Variants in VPS26C observed in about 807,000 individuals in gnomAD.
VPS26C encodes the protein vacuolar protein sorting-associated protein 26C.
A neutral mutation model predicts 30.6 loss-of-function variants in VPS26C; 19 were observed. The ratio of observed to expected loss-of-function variants is 0.62; its 90% CI spans 0.43 to 0.91. VPS26C has a LOEUF of 0.91. VPS26C is among the 40% of genes least tolerant of loss of function. VPS26C has a pLI of 0.00. For synonymous variants in VPS26C, 132 were observed against 151.5 expected (o/e 0.87, Z 0.95); for missense variants, 318 against 385.1 (o/e 0.83, Z 1.46).
chr21:37,250,414 T>C (rs954421767), intron 1 of VPS26C, among the ~76,000 whole-genome samples: 1 of 152,014 alleles, frequency 6.6e-6, no homozygotes, highest in Non-Finnish European at 1.5e-5. Context: ...GACAAAACCA[T>C]AGAGAATAAT....
At chr21:37,265,911 T>C (rs1344726919) in intron 1 of VPS26C, among the ~76,000 whole-genome samples, 3 of 23,116 alleles carry the variant, frequency 1.3e-4, no homozygotes, top group African/African-American at 5.6e-4. Flanking sequence ...GCTTTTTCTC[T>C]TTTTTTTTTT....
In VPS26C at chr21:37,233,338, C is replaced by G; in HGVS notation, c.432+24G>C. The G allele has an allele frequency of 6.2e-7, 1 of 1,601,880 alleles. No homozygotes were observed. Among genetic ancestry groups the G allele is most frequent in the Non-Finnish European group, 8.6e-7 (1 of 1,168,876 alleles). ...CATGGGAGATTCCTATCATTAAGCACCAGAGTCCCCGAGTGAAGCTTACAG... is the reference window on the plus strand; with the variant it reads ...CATGGGAGATTCCTATCATTAAGCAGCAGAGTCCCCGAGTGAAGCTTACAG... On this transcript the variant is annotated intron_variant, in intron 4 of 7. Coordinates refer to ENST00000309117, the MANE Select transcript of VPS26C (RefSeq NM_006052.2). The surrounding 1 kb of genome is among the most constrained non-coding windows in gnomAD (Gnocchi z 5.2).
chr21:37,232,871 G>C (rs1440811038), intron 4 of VPS26C, among the ~76,000 whole-genome samples: 2 of 152,202 alleles, frequency 1.3e-5, no homozygotes, highest in Non-Finnish European at 2.9e-5. Context: ...TGGTGGAGCT[G>C]GGGGGCTGAG....
At chr21:37,246,772 A>G (rs2086141641) in intron 1 of VPS26C, among the ~76,000 whole-genome samples, 1 of 152,132 alleles carries the variant, frequency 6.6e-6, no homozygotes. Flanking sequence ...ATACTTCCAT[A>G]CTTTTAAGAC....
At chr21:37,242,815 AAGCCTTT>A (rs2086101047) in intron 1 of VPS26C, among the ~76,000 whole-genome samples, 1 of 152,204 alleles carries the variant, frequency 6.6e-6, no homozygotes. Context: ...GACATCAGTA[AAGCCTTT>A]TCCCTCCTTA....
intron 3 of VPS26C, chr21:37,238,120 G>C (rs946025090): frequency 4.3e-6 from 1 of 230,616 alleles, no homozygotes; most frequent in Non-Finnish European, 8.4e-6. Flanking sequence ...GTATAAAACA[G>C]ACAAGTTAAT....
In VPS26C at chr21:37,228,312, G is replaced by C. The variant is rs570071918; in HGVS notation, c.569C>G (p.Thr190Arg). Residue 190 changes from threonine to arginine, a missense_variant, in exon 6 of 8, where the codon ACG becomes AGG. Physicochemically the swap from Thr to Arg is moderately conservative, Grantham distance 71 (BLOSUM62 -1). Coordinates refer to ENST00000309117, the MANE Select transcript of VPS26C (RefSeq NM_006052.2). ...CACCAGCTCTCCCGTTAGTGGCTGC[G>C]TGATGACACAGTTTGTTGAGTTGAG... ...GHLNSTNCVI[T>R]QPLTGELVVE... 1 of 1,614,220 alleles carries C rather than the reference G, an allele frequency of 6.2e-7. No individual in the cohort carries two copies. Among genetic ancestry groups the C allele is most frequent in the South Asian group, 1.1e-5 (1 of 91,086 alleles).
intron 1 of VPS26C, among the ~76,000 whole-genome samples, chr21:37,244,658 C>T (rs1444589491): frequency 2.0e-5 from 3 of 152,198 alleles, no homozygotes; most frequent in South Asian, 2.1e-4. Context: ...ATCAAGTCCG[C>T]GACCCCTCTT....
At position 37,233,966 on chromosome 21, in the gene VPS26C, G is replaced by C. The variant is rs2085993836; in HGVS notation, c.352-524C>G. On this transcript the variant is annotated intron_variant, in intron 3 of 7. Coordinates refer to ENST00000309117, the MANE Select transcript of VPS26C (RefSeq NM_006052.2). This position sits in a 1 kb window ranked among gnomAD's most constrained non-coding sequence, Gnocchi z 5.2. ...TGGCACAAAGCAATGCTGGAAAACA[G>C]CAGCTACTTTGTAAGCGGGATTAGA... is the stretch of plus-strand genomic sequence containing the variant. Among the ~76,000 whole-genome samples the C allele has an allele frequency of 1.3e-5, 2 of 152,242 alleles. No homozygotes were observed. The highest frequency in any genetic ancestry group is 2.9e-5 in the Non-Finnish European group (2 of 68,042).
intron 1 of VPS26C, among the ~76,000 whole-genome samples, chr21:37,262,592 T>C (rs1436440708): frequency 6.6e-6 from 1 of 152,304 alleles, no homozygotes; most frequent in East Asian, 1.9e-4. Context: ...AAAATGTTAA[T>C]ATGAAAAGGT....
chr21:37,237,369 T>C (rs1015865136), intron 3 of VPS26C: 3 of 152,214 alleles, frequency 2.0e-5, no homozygotes, highest in Non-Finnish European at 4.4e-5. Flanking sequence ...GTTCAAGATA[T>C]CTTCAGTATT....
At chr21:37,239,723 C>G (rs9979874) in intron 2 of VPS26C, among the ~76,000 whole-genome samples, 46,712 of 151,670 alleles carry the variant, frequency 0.31, 7,512 homozygotes, top group East Asian at 0.5. Context: ...CCTGCCTCAG[C>G]CTCCCAAGTA....
At chr21:37,247,604 G>A (rs1044504534) in intron 1 of VPS26C, among the ~76,000 whole-genome samples, 5 of 152,078 alleles carry the variant, frequency 3.3e-5, no homozygotes, top group Admixed American at 6.6e-5. Flanking sequence ...AATGCCAAAC[G>A]TATGTCATAT....
At chr21:37,251,897 A>G (rs2148301564) in intron 1 of VPS26C, among the ~76,000 whole-genome samples, 1 of 152,318 alleles carries the variant, frequency 6.6e-6, no homozygotes, top group South Asian at 2.1e-4. Context: ...CTTGAACACA[A>G]CTGCTAGAAA....
rs944263402 is a variant in VPS26C at position 37,258,265 on chromosome 21, C to T, written c.57+8973G>A. ...AAACAACCTTTCCTGATCCGCGCTG[C>T]AGTTCCCAGGCCGGTTGCAGCCGTT... On this transcript the variant is annotated intron_variant, in intron 1 of 7. Coordinates refer to ENST00000309117, the MANE Select transcript of VPS26C (RefSeq NM_006052.2). Among the ~76,000 whole-genome samples the T allele has an allele frequency of 4.6e-5, 7 of 152,258 alleles. No homozygotes were observed. In the South Asian group the frequency reaches 8.3e-4, roughly 18 times the overall value.
rs143034630 is a variant in VPS26C, at chr21:37,264,349, A to C, written c.57+2889T>G. 5.6e-3 allele frequency among the ~76,000 whole-genome samples: 856 copies of C among 152,306 alleles called. 3 individuals carry two copies. Among genetic ancestry groups the C allele is most frequent in the Non-Finnish European group, 8.9e-3 (606 of 68,034 alleles). On this transcript the variant is annotated intron_variant, in intron 1 of 7. Transcript: ENST00000309117. ...ATACTAGCACCAGGAGATGTAGTCT[A>C]AGGGACAGAGCTGACTCTGTCTTCA...
chr21:37,243,951 C>T (rs2086112792), intron 1 of VPS26C, among the ~76,000 whole-genome samples: 1 of 152,220 alleles, frequency 6.6e-6, no homozygotes, highest in African/African-American at 2.4e-5. Flanking sequence ...TGGCTCGAGT[C>T]AGCTCTTTAT....
intron 1 of VPS26C, among the ~76,000 whole-genome samples, chr21:37,242,227 G>A (rs2086094834): frequency 6.6e-6 from 1 of 152,214 alleles, no homozygotes; most frequent in African/African-American, 2.4e-5. Context: ...TTCCTGTGAA[G>A]TAACTTAAAT....
At chr21:37,239,707 G>C (rs188360204) in intron 2 of VPS26C, among the ~76,000 whole-genome samples, 1 of 151,776 alleles carries the variant, frequency 6.6e-6, no homozygotes, top group Admixed American at 6.6e-5. Context: ...GGGTTCAAGC[G>C]ATTCTCCTGC....
Sources: allele counts gnomAD v4.1 joint callset (sites outside exome capture counted in the v4.1 genomes callset), GRCh38; gene constraint gnomAD v4.1.1; non-coding constraint Gnocchi (gnomAD v3.1); transcripts MANE v1.5; gene names NCBI Gene and HGNC (gene_info 2026-07-23, HGNC 2026-07-21).